ELP6: variants seen among roughly 807,000 people sequenced by gnomAD.
ELP6 encodes the protein elongator complex protein 6.
Under a neutral mutation model 28.1 loss-of-function variants are expected in ELP6, and 23 were observed. The observed-to-expected ratio is 0.82, with a 90% CI of 0.59 to 1.16. The LOEUF (loss-of-function observed/expected upper bound fraction) is 1.16, where lower values mean the gene tolerates loss of function less well. Among genes scored for constraint, ELP6 ranks in the 50% most tolerant of loss-of-function variants. The probability of loss-of-function intolerance (pLI) is 0.00; values close to 1 mark genes in which losing one functional copy is unlikely to be tolerated. For synonymous variants in ELP6, 132 were observed against 135.8 expected (o/e 0.97, Z 0.19); for missense variants, 313 against 334.6 (o/e 0.94, Z 0.50).
intron 3 of ELP6, among the ~76,000 whole-genome samples, chr3:47,506,370 T>G (rs1420511147): frequency 6.6e-6 from 1 of 152,110 alleles, no homozygotes; most frequent in Non-Finnish European, 1.5e-5. Context: ...TGACCAAAAT[T>G]TATTAGGCGG....
At chr3:47,502,556 T>G (rs1708698446) in intron 4 of ELP6, 9 of 985,032 alleles carry the variant, frequency 9.1e-6, no homozygotes, top group Non-Finnish European at 1.1e-5. Context: ...TTAAACAGGC[T>G]GGGCACAGTA....
chr3:47,512,832 T>A lies in ELP6; in HGVS notation c.54+705A>T, dbSNP rs115562604. On this transcript the variant is annotated intron_variant, in intron 1 of 6. Transcript: ENST00000296149. Reference sequence around the variant, plus strand: ...AGGTGGCGGTTAGGAAGCTCGCCCATGAAGACGGCGGCGAAACGAACTCCC... The same window carrying A: ...AGGTGGCGGTTAGGAAGCTCGCCCAAGAAGACGGCGGCGAAACGAACTCCC... The A allele has an allele frequency of 6.7e-4, 653 of 973,868 alleles. 1 individual carries two copies. The African/African-American group carries it at 0.011, about 16-fold the overall frequency. 60.3% of individuals were successfully genotyped at this position (973,868 alleles called of 1,614,324 possible).
chr3:47,499,805 C>G (rs1708590782), intron 5 of ELP6: 6 of 1,118,178 alleles, frequency 5.4e-6, no homozygotes, highest in Non-Finnish European at 6.6e-6. Flanking sequence ...GGTTCTGTCC[C>G]TGCTGGGCTG....
At chr3:47,513,232 T>G (rs1164463708) in intron 1 of ELP6, 4 of 1,237,684 alleles carry the variant, frequency 3.2e-6, no homozygotes, top group Non-Finnish European at 1.0e-6. Context: ...CCTTAGATGA[T>G]GCACCCGCCT....
At chr3:47,510,994 G>A (rs1185694756) in intron 2 of ELP6, among the ~76,000 whole-genome samples, 154 bp downstream of exon 2, 2 of 152,196 alleles carry the variant, frequency 1.3e-5, no homozygotes, top group African/African-American at 4.8e-5. Flanking sequence ...AGATGGCCTA[G>A]TAACCTGTTA....
chr3:47,510,075 C>G, intron 3 of ELP6, 109 bp downstream of exon 3: 1 of 888,756 alleles, frequency 1.1e-6, no homozygotes, highest in South Asian at 1.6e-5. Flanking sequence ...TTTCTTTAGT[C>G]CCTCTTTTGC....
intron 5 of ELP6, among the ~76,000 whole-genome samples, chr3:47,498,983 T>C (rs1335481328): frequency 6.6e-6 from 1 of 152,088 alleles, no homozygotes; most frequent in Non-Finnish European, 1.5e-5. Context: ...AGAGGGCAAG[T>C]AGGAGTTAGC....
At chr3:47,500,664 T>C (rs1343136270) in intron 5 of ELP6, among the ~76,000 whole-genome samples, 2 of 152,174 alleles carry the variant, frequency 1.3e-5, no homozygotes, top group Non-Finnish European at 2.9e-5. Context: ...ATCCTAACTG[T>C]GCCTTCCACA....
At chr3:47,506,049 A>T (rs1380346417) in intron 3 of ELP6, among the ~76,000 whole-genome samples, 2 of 152,160 alleles carry the variant, frequency 1.3e-5, no homozygotes, top group Non-Finnish European at 2.9e-5. Flanking sequence ...ACAGAGTACA[A>T]AAGAGAGAAA....
At chr3:47,505,528 T>C (rs1406441328) in intron 3 of ELP6, among the ~76,000 whole-genome samples, 2 of 151,690 alleles carry the variant, frequency 1.3e-5, no homozygotes, top group African/African-American at 2.4e-5. Context: ...CCTCAACCTC[T>C]TGAGTAGCTG....
intron 6 of ELP6, 146 bp from the exon 7 acceptor site, chr3:47,496,343 T>C: frequency 7.0e-7 from 1 of 1,419,658 alleles, no homozygotes; most frequent in Non-Finnish European, 9.1e-7. Flanking sequence ...GGCCAACTTG[T>C]AAAATAAAGC....
At chr3:47,503,347 CTA>C (rs1491216111) in intron 4 of ELP6, 1 of 1,289,694 alleles carries the variant, frequency 7.8e-7, no homozygotes, top group Non-Finnish European at 1.0e-6. Flanking sequence ...CTTCACAGAG[CTA>C]TGTTTGTGGC....
intron 5 of ELP6, chr3:47,500,295 G>T: frequency 3.0e-6 from 3 of 1,011,128 alleles, no homozygotes; most frequent in South Asian, 3.3e-5. Context: ...AGACAAATAT[G>T]TGCATATACT....
Position 47,501,759 on chromosome 3 carries a change from G to A in ELP6, c.416C>T (p.Pro139Leu), listed in dbSNP as rs755649678. ...VDSGEARWTY[P>L]VLLVDDLSVL... ...ACTGAGGTCGTCCACCAACAGCACC[G>A]GGTACGTCCACCGAGCCTCTCCACT... The change falls in exon 5 of 7, where the codon CCG (proline) becomes CTG (leucine). Residue 139 changes from proline to leucine, a missense_variant. Coordinates refer to ENST00000296149, the MANE Select transcript of ELP6 (RefSeq NM_001031703.3). 2.5e-5 allele frequency: 40 copies of A among 1,607,978 alleles called. No individual in the cohort carries two copies. The highest frequency in any genetic ancestry group is 3.1e-5 in the Non-Finnish European group (37 of 1,177,750).
At chr3:47,500,365 C>A in intron 5 of ELP6, 1 of 342,976 alleles carries the variant, frequency 2.9e-6, no homozygotes. Context: ...GCTTGGGCAA[C>A]ATAGTGAGAC....
intron 3 of ELP6, among the ~76,000 whole-genome samples, chr3:47,506,015 T>C (rs371915660): frequency 3.4e-4 from 52 of 152,292 alleles, no homozygotes; most frequent in African/African-American, 7.0e-4. Flanking sequence ...TCCCTAAGCG[T>C]TGGCCGGCTT....
chr3:47,511,289 A>C lies in ELP6; in HGVS notation c.55-63T>G, dbSNP rs1709010401. 1.9e-6 allele frequency: 3 copies of C among 1,573,842 alleles called. No individual in the cohort carries two copies. The African/African-American group carries it at 4.1e-5, about 21-fold the overall frequency. On this transcript the variant is annotated intron_variant, in intron 1 of 6. Coordinates refer to ENST00000296149, the MANE Select transcript of ELP6 (RefSeq NM_001031703.3). ...TGGAAAGAGGTCAGCTTAGTGCAGA[A>C]ATCTAGTCAATTGTGTCCACACCTT...
chr3:47,507,899 G>A (rs1473576587), intron 3 of ELP6, among the ~76,000 whole-genome samples: 2 of 151,776 alleles, frequency 1.3e-5, no homozygotes, highest in African/African-American at 4.8e-5. Context: ...GCCAAGTACT[G>A]TGCATGCCAT....
At chr3:47,505,868 G>A (rs899406876) in intron 3 of ELP6, among the ~76,000 whole-genome samples, 6 of 152,066 alleles carry the variant, frequency 3.9e-5, no homozygotes, top group African/African-American at 9.7e-5. Flanking sequence ...CACCGTGCCC[G>A]GCCTAATTTT....
Sources: gnomAD v4.1 joint callset for allele counts (sites outside exome capture counted in the v4.1 genomes callset) on GRCh38, gnomAD v4.1.1 for gene constraint, MANE v1.5 for transcripts, NCBI Gene and HGNC (gene_info 2026-07-23, HGNC 2026-07-21) for gene names.